Variants in KCND3 observed in about 807,000 individuals in gnomAD.
KCND3 encodes the protein A-type voltage-gated potassium channel KCND3.
In KCND3, 9 loss-of-function variants were observed where a neutral mutation model predicts 51.1. That is an observed-to-expected ratio of 0.18 (90% CI 0.11 to 0.31). KCND3 has a LOEUF of 0.31. Ranked by LOEUF, KCND3 falls within the 10% of genes least tolerant of loss-of-function variation. The probability of loss-of-function intolerance (pLI) is 1.00; values close to 1 mark genes in which losing one functional copy is unlikely to be tolerated. For synonymous variants in KCND3, 349 were observed against 368.0 expected (o/e 0.95, Z 0.59); for missense variants, 526 against 903.8 (o/e 0.58, Z 5.36).
intron 2 of KCND3, among the ~76,000 whole-genome samples, chr1:111,874,878 A>T (rs1211821904): frequency 1.3e-5 from 2 of 152,160 alleles, no homozygotes; most frequent in Non-Finnish European, 2.9e-5. Flanking sequence ...TGCTTCAAAC[A>T]TCTCGCTCCA....
intron 2 of KCND3, among the ~76,000 whole-genome samples, chr1:111,850,863 T>C (rs967660143): frequency 2.0e-5 from 3 of 152,196 alleles, no homozygotes; most frequent in African/African-American, 4.8e-5. Flanking sequence ...ACTGCGAAGA[T>C]GGAACTGAGC....
At chr1:111,911,461 G>A (rs1284457958) in intron 2 of KCND3, among the ~76,000 whole-genome samples, 1 of 152,200 alleles carries the variant, frequency 6.6e-6, no homozygotes, top group Admixed American at 6.5e-5. Context: ...CAACAAGGGT[G>A]TAGTATAACA....
At chr1:111,814,579 T>A (rs1312151284) in intron 2 of KCND3, among the ~76,000 whole-genome samples, 1 of 152,274 alleles carries the variant, frequency 6.6e-6, no homozygotes, top group Non-Finnish European at 1.5e-5. Context: ...GAGTAACTGA[T>A]GTGCCTCTGT....
At chr1:111,871,632 A>T (rs561611778) in intron 2 of KCND3, among the ~76,000 whole-genome samples, 14 of 152,310 alleles carry the variant, frequency 9.2e-5, no homozygotes, top group African/African-American at 3.4e-4. Flanking sequence ...TAAGGAGAGA[A>T]GTTAGGGATA....
At chr1:111,909,749 A>G (rs952683439) in intron 2 of KCND3, 1 of 152,228 alleles carries the variant, frequency 6.6e-6, no homozygotes, top group Non-Finnish European at 1.5e-5. Flanking sequence ...AAGATCTGCC[A>G]GTTAACAGCT....
intron 2 of KCND3, among the ~76,000 whole-genome samples, chr1:111,861,407 T>C (rs952622903): frequency 2.0e-5 from 3 of 151,422 alleles, no homozygotes; most frequent in Admixed American, 6.6e-5. Context: ...ACTTCAACTG[T>C]GCAAATCCCT....
chr1:111,969,508 G>A (rs2101956180), intron 2 of KCND3, among the ~76,000 whole-genome samples: 1 of 152,316 alleles, frequency 6.6e-6, no homozygotes, highest in African/African-American at 2.4e-5. Context: ...ATTCTCCACT[G>A]ATCAGTGGTA....
At chr1:111,903,069 C>G (rs1056610091) in intron 2 of KCND3, among the ~76,000 whole-genome samples, 2 of 152,146 alleles carry the variant, frequency 1.3e-5, no homozygotes, top group Non-Finnish European at 2.9e-5. Context: ...TTCTTTCATC[C>G]AATATGCTTT....
chr1:111,932,876 G>A (rs1013641928), intron 2 of KCND3, among the ~76,000 whole-genome samples: 1 of 152,104 alleles, frequency 6.6e-6, no homozygotes, highest in Non-Finnish European at 1.5e-5. Flanking sequence ...CTGGGGTCTC[G>A]GAGCACTGGG....
At chr1:111,912,202 G>A (rs1386845277) in intron 2 of KCND3, among the ~76,000 whole-genome samples, 1 of 152,234 alleles carries the variant, frequency 6.6e-6, no homozygotes, top group East Asian at 1.9e-4. Context: ...GTTGTGTGCT[G>A]CATAGCAATG....
At chr1:111,970,148 C>T (rs148634582) in intron 2 of KCND3, among the ~76,000 whole-genome samples, 3,588 of 152,160 alleles carry the variant, frequency 0.024, 98 homozygotes, top group East Asian at 0.096. Flanking sequence ...TGCTGAGTAG[C>T]TGGGATTACA....
Position 111,834,689 on chromosome 1 carries a change from C to T in KCND3, c.1107-47583G>A, listed in dbSNP as rs1330769872. Among the ~76,000 whole-genome samples, 3 of 152,212 alleles carry T rather than the reference C, an allele frequency of 2.0e-5. No individual in the cohort carries two copies. The East Asian group carries it at 5.8e-4, about 29-fold the overall frequency. ...AGACACCAACTGTGAAAAAGTCTGC[C>T]TCAGAATTAAGCCCAAATCTTTAAC... is the stretch of plus-strand genomic sequence containing the variant. On this transcript the variant is annotated intron_variant, in intron 2 of 7. Coordinates refer to ENST00000302127, the MANE Select transcript of KCND3 (RefSeq NM_001378969.1).
At chr1:111,918,652 T>C (rs1023437516) in intron 2 of KCND3, among the ~76,000 whole-genome samples, 3 of 152,014 alleles carry the variant, frequency 2.0e-5, no homozygotes, top group East Asian at 1.9e-4. Context: ...AGAGTGGTGA[T>C]AGAAAGCAGT....
chr1:111,983,480 A>G (rs1675087973), intron 1 of KCND3, among the ~76,000 whole-genome samples: 1 of 152,010 alleles, frequency 6.6e-6, no homozygotes, highest in Non-Finnish European at 1.5e-5. Flanking sequence ...CTAGTATCAA[A>G]TTTTTCCCCT....
intron 2 of KCND3, among the ~76,000 whole-genome samples, chr1:111,924,060 A>T (rs778148964): frequency 1.3e-5 from 2 of 152,210 alleles, no homozygotes; most frequent in South Asian, 4.1e-4. Context: ...CGCAGTCACA[A>T]GCAGATGGCT....
chr1:111,972,940 A>G (rs1166697886), intron 2 of KCND3, among the ~76,000 whole-genome samples: 1 of 152,226 alleles, frequency 6.6e-6, no homozygotes, highest in African/African-American at 2.4e-5. Context: ...ATGCGTGTCC[A>G]GGAAGAAGTA....
intron 2 of KCND3, among the ~76,000 whole-genome samples, chr1:111,965,438 C>CCACACACACACCCACACACACACACACA (rs1673916478): frequency 1.4e-5 from 1 of 72,368 alleles, no homozygotes; most frequent in African/African-American, 4.9e-5. Flanking sequence ...GCCAGCAAAA[C>CCACACACACACCCACACACACACACACA]CACACACACA....
intron 2 of KCND3, among the ~76,000 whole-genome samples, 198 bp from the exon 3 acceptor site, chr1:111,787,304 A>G (rs1487540504): frequency 6.6e-6 from 1 of 152,222 alleles, no homozygotes; most frequent in African/African-American, 2.4e-5. Context: ...GGGAGCCAAC[A>G]TCCTAACAAG....
At chr1:111,901,356 A>G (rs141589304) in intron 2 of KCND3, among the ~76,000 whole-genome samples, 136 of 152,338 alleles carry the variant, frequency 8.9e-4, no homozygotes, top group African/African-American at 3.2e-3. Flanking sequence ...CTACCTTCCT[A>G]AAGGAGTTAC....
Sources: allele counts gnomAD v4.1 joint callset (sites outside exome capture counted in the v4.1 genomes callset), GRCh38; gene constraint gnomAD v4.1.1; transcripts MANE v1.5; gene names NCBI Gene and HGNC (gene_info 2026-07-23, HGNC 2026-07-21).